CSMD1: variants seen among roughly 807,000 people sequenced by gnomAD.
CSMD1 encodes the protein CUB and Sushi multiple domains 1, also known as CUB and sushi domain-containing protein 1.
Under a neutral mutation model 417.5 loss-of-function variants are expected in CSMD1, and 213 were observed. The observed-to-expected ratio is 0.51, with a 90% CI of 0.46 to 0.57. CSMD1 has a LOEUF of 0.57. Among genes scored for constraint, CSMD1 ranks in the 20% least tolerant of loss-of-function variants. The probability of loss-of-function intolerance (pLI) is 0.00; values close to 1 mark genes in which losing one functional copy is unlikely to be tolerated. For synonymous variants in CSMD1, 2,862 were observed against 1,736.8 expected (o/e 1.65, Z -16.11); for missense variants, 6,923 against 4,529.7 (o/e 1.53, Z -15.17).
intron 5 of CSMD1, among the ~76,000 whole-genome samples, chr8:3,849,465 T>TTA (rs1803735604): frequency 6.6e-6 from 1 of 152,010 alleles, no homozygotes; most frequent in Non-Finnish European, 1.5e-5. Context: ...GTTACTCCTT[T>TTA]TAGTTACATC....
At chr8:4,798,306 C>G (rs1045015371) in intron 1 of CSMD1, among the ~76,000 whole-genome samples, 7 of 152,182 alleles carry the variant, frequency 4.6e-5, no homozygotes, top group African/African-American at 1.7e-4. Flanking sequence ...ATGATGGTTT[C>G]TAGCTTCATC....
chr8:4,313,826 C>T (rs1214989318), intron 3 of CSMD1, among the ~76,000 whole-genome samples: 1 of 151,856 alleles, frequency 6.6e-6, no homozygotes, highest in African/African-American at 2.4e-5. Flanking sequence ...CTAGCCTGAC[C>T]AATATGGTGA....
chr8:3,144,167 C>T (rs1351967995), intron 40 of CSMD1, among the ~76,000 whole-genome samples: 1 of 152,076 alleles, frequency 6.6e-6, no homozygotes, highest in East Asian at 1.9e-4. Flanking sequence ...TACAGGCGAG[C>T]AAACTAAGGC....
intron 5 of CSMD1, among the ~76,000 whole-genome samples, chr8:3,840,896 G>A (rs193141907): frequency 2.8e-4 from 43 of 151,916 alleles, no homozygotes; most frequent in African/African-American, 8.0e-4. Flanking sequence ...TAGTAGAGAC[G>A]AGGTTTCACC....
chr8:3,232,155 G>T (rs1798880810), intron 26 of CSMD1, among the ~76,000 whole-genome samples: 1 of 151,968 alleles, frequency 6.6e-6, no homozygotes, highest in Non-Finnish European at 1.5e-5. Flanking sequence ...TCCACTTCAG[G>T]GGAAGTCACT....
intron 5 of CSMD1, among the ~76,000 whole-genome samples, chr8:3,905,290 G>A (rs1808040841): frequency 6.6e-6 from 1 of 152,132 alleles, no homozygotes; most frequent in Non-Finnish European, 1.5e-5. Flanking sequence ...AATATTCACT[G>A]AATAACTTAA....
chr8:4,782,341 G>A (rs948846972), intron 1 of CSMD1, among the ~76,000 whole-genome samples: 15 of 152,222 alleles, frequency 9.9e-5, no homozygotes, highest in African/African-American at 3.4e-4. Flanking sequence ...ATGTATCTAA[G>A]CATTAAAACT....
intron 2 of CSMD1, among the ~76,000 whole-genome samples, chr8:4,452,640 T>C (rs1216168295): frequency 6.6e-6 from 1 of 150,448 alleles, no homozygotes; most frequent in East Asian, 1.9e-4. Flanking sequence ...AATGAAAAAT[T>C]CTTGAGTGAA....
At chr8:4,035,972 T>G (rs1385280122) in intron 3 of CSMD1, among the ~76,000 whole-genome samples, 2 of 152,156 alleles carry the variant, frequency 1.3e-5, no homozygotes, top group Admixed American at 6.5e-5. Context: ...TATGAGAGTG[T>G]AACACTTTTT....
intron 5 of CSMD1, among the ~76,000 whole-genome samples, chr8:3,949,455 G>T (rs11785867): frequency 6.6e-6 from 1 of 151,930 alleles, no homozygotes; most frequent in South Asian, 2.1e-4. Context: ...TAAGGAAAAG[G>T]ATACATTTTA....
At chr8:4,277,456 C>A (rs973973022) in intron 3 of CSMD1, among the ~76,000 whole-genome samples, 11 of 152,142 alleles carry the variant, frequency 7.2e-5, no homozygotes, top group African/African-American at 2.7e-4. Context: ...ACCTCCTCAC[C>A]ACATACTTAA....
intron 41 of CSMD1, among the ~76,000 whole-genome samples, chr8:3,130,541 C>G (rs547505736): frequency 6.6e-6 from 1 of 152,142 alleles, no homozygotes; most frequent in Non-Finnish European, 1.5e-5. Context: ...TAGAAAACAA[C>G]CTGAATGCGT....
chr8:3,873,607 G>T (rs754800589), intron 5 of CSMD1, among the ~76,000 whole-genome samples: 1 of 151,960 alleles, frequency 6.6e-6, no homozygotes, highest in Non-Finnish European at 1.5e-5. Context: ...ATGGGTACTC[G>T]GCATAATACC....
chr8:4,155,266 G>C (rs986247017), intron 3 of CSMD1, among the ~76,000 whole-genome samples: 1 of 152,194 alleles, frequency 6.6e-6, no homozygotes, highest in Admixed American at 6.5e-5. Context: ...AGGTGAATAA[G>C]TCCGGGTGTG....
At chr8:4,135,968 T>C (rs142863867) in intron 3 of CSMD1, among the ~76,000 whole-genome samples, 4 of 152,316 alleles carry the variant, frequency 2.6e-5, no homozygotes, top group Non-Finnish European at 4.4e-5. Context: ...AGTCAAATAC[T>C]GTGGAAGTCC....
rs545057835 is a variant in CSMD1 at position 4,331,966 on chromosome 8, T to G, written c.415+87987A>C. The stretch of plus-strand genomic sequence containing the variant: ...CATGGCATTGGAATTCATTTTCATT[T>G]TTATGCAAAGCACATCTGAAATGAA... On this transcript the variant is annotated intron_variant, in intron 3 of 69. Transcript: ENST00000635120. Among the ~76,000 whole-genome samples the G allele has an allele frequency of 6.6e-5, 10 of 152,310 alleles. No homozygotes were observed. In the South Asian group the frequency reaches 2.1e-3, roughly 32 times the overall value.
At chr8:4,055,123 T>C (rs1415281550) in intron 3 of CSMD1, among the ~76,000 whole-genome samples, 2 of 152,308 alleles carry the variant, frequency 1.3e-5, no homozygotes, top group South Asian at 2.1e-4. Flanking sequence ...GTGTAGTAGA[T>C]GATAGAAATA....
chr8:4,723,374 G>A (rs992947347), intron 1 of CSMD1, among the ~76,000 whole-genome samples: 1 of 152,130 alleles, frequency 6.6e-6, no homozygotes. Context: ...CTCAACTCAT[G>A]AAAAACATGT....
Position 3,227,003 on chromosome 8 carries a change from G to A in CSMD1, c.4345+3037C>T, listed in dbSNP as rs538131361. Among the ~76,000 whole-genome samples, 15 of 152,216 alleles carry A rather than the reference G, an allele frequency of 9.9e-5. 1 individual carries two copies. The South Asian group carries it at 3.1e-3, about 32-fold the overall frequency. On this transcript the variant is annotated intron_variant, in intron 27 of 69. Coordinates refer to ENST00000635120, the MANE Select transcript of CSMD1 (RefSeq NM_033225.6). The stretch of plus-strand genomic sequence containing the variant: ...TTAAAACAAGACATCATCACTTTGT[G>A]CCTTAAAATCTATAAAGTGTGGTGT...
Sources: gnomAD v4.1 joint callset for allele counts (sites outside exome capture counted in the v4.1 genomes callset) on GRCh38, gnomAD v4.1.1 for gene constraint, MANE v1.5 for transcripts, NCBI Gene and HGNC (gene_info 2026-07-23, HGNC 2026-07-21) for gene names.